RRP12: variants seen among roughly 807,000 people sequenced by gnomAD.
RRP12 encodes the protein RRP12-like protein.
A neutral mutation model predicts 157.3 loss-of-function variants in RRP12; 78 were observed. That is an observed-to-expected ratio of 0.50 (90% CI 0.41 to 0.60). The LOEUF (loss-of-function observed/expected upper bound fraction) is 0.60, where lower values mean the gene tolerates loss of function less well. Ranked by LOEUF, RRP12 falls within the 20% of genes least tolerant of loss-of-function variation. The probability of loss-of-function intolerance (pLI) is 0.00; values close to 1 mark genes in which losing one functional copy is unlikely to be tolerated. For missense variants in RRP12, 1,521 were observed against 1,679.9 expected (o/e 0.91, Z 1.65); for synonymous variants, 726 against 670.9 (o/e 1.08, Z -1.27).
At chr10:97,400,220 C>A (rs1218138103) in intron 2 of RRP12, 85 bp downstream of exon 2, 5 of 975,434 alleles carry the variant, frequency 5.1e-6, no homozygotes, top group Non-Finnish European at 8.1e-6. Flanking sequence ...CTGTTGTCAT[C>A]GGAGACCTGT....
At chr10:97,370,107 C>A in intron 24 of RRP12, 60 bp downstream of exon 24, 1 of 1,199,488 alleles carries the variant, frequency 8.3e-7, no homozygotes, top group Non-Finnish European at 1.2e-6. Context: ...TTTATCCTGA[C>A]CTTTTGGGCA....
chr10:97,367,922 G>A (rs2133041865), intron 25 of RRP12, among the ~76,000 whole-genome samples: 1 of 152,274 alleles, frequency 6.6e-6, no homozygotes, highest in Middle Eastern at 3.4e-3. Context: ...AGTACAGACA[G>A]GGTTTTACCA....
In RRP12 at chr10:97,366,540, C is replaced by T; in HGVS notation, c.3297G>A (p.Lys1099=). ...EERSRGKEQR[K]LARQRSRAWL... is the part of the protein sequence containing the mutation. Reference sequence around the variant, plus strand: ...ATGCCCGGCTCCTCTGTCGTGCCAGCTTCCGCTGCTCCTTGCCTCGGCTTC... The same window carrying T: ...ATGCCCGGCTCCTCTGTCGTGCCAGTTTCCGCTGCTCCTTGCCTCGGCTTC... Residue 1099 remains lysine (K), a synonymous_variant, in exon 28 of 34, where the codon AAG becomes AAA. Transcript: ENST00000370992. 5 of 1,614,158 alleles carry T rather than the reference C, an allele frequency of 3.1e-6. No individual in the cohort carries two copies. Among genetic ancestry groups the T allele is most frequent in the Non-Finnish European group, 4.2e-6 (5 of 1,180,050 alleles).
Position 97,366,857 on chromosome 10 carries a change from T to G in RRP12, c.3100A>C (p.Asn1034His). The change falls in exon 27 of 34, where the codon AAC (asparagine) becomes CAC (histidine). Residue 1034 changes from asparagine (N) to histidine (H), a missense_variant. Physicochemically the swap from Asn to His is moderately conservative, Grantham distance 68. Transcript: ENST00000370992. ...LPEEYHRVLV[N>H]IRKAEARAKR... is the part of the protein sequence containing the mutation. ...GCCCGGGCCTCAGCTTTCCGGATGT[T>G]GACCAGGACTCTGTGGTACTCCTCG... The G allele has an allele frequency of 6.2e-7, 1 of 1,614,202 alleles. No individual in the cohort carries two copies. The highest frequency in any genetic ancestry group is 8.5e-7 in the Non-Finnish European group (1 of 1,180,034).
chr10:97,370,323 G>A (rs2133046334), intron 23 of RRP12, 49 bp from the exon 24 acceptor site: 2 of 1,435,430 alleles, frequency 1.4e-6, no homozygotes, highest in Non-Finnish European at 9.6e-7. Flanking sequence ...CCACCAGGTA[G>A]GGGGGCTGAG....
chr10:97,373,234 C>T (rs774868588), intron 17 of RRP12, 34 bp from the exon 18 acceptor site: 15 of 1,606,520 alleles, frequency 9.3e-6, no homozygotes, highest in Admixed American at 5.0e-5. Context: ...ACTAAAGGCA[C>T]AGGAGCTGAC....
chr10:97,400,504 T>C lies in RRP12; in HGVS notation c.170A>G (p.Lys57Arg). Residue 57 changes from lysine (K) to arginine (R), a missense_variant, in exon 2 of 34, where the codon AAG becomes AGG. Coordinates refer to ENST00000370992, the MANE Select transcript of RRP12 (RefSeq NM_015179.4). ...GRSDLTVDAVKLHNELQSGSL... is the reference protein window; with the variant it reads ...GRSDLTVDAVRLHNELQSGSL... ...CCCTGACTGCAGCTCATTATGTAAC[T>C]TCACAGCATCGACTGTCAGGTCACT... The C allele has an allele frequency of 1.9e-6, 3 of 1,613,900 alleles. No individual in the cohort carries two copies. The highest frequency in any genetic ancestry group is 2.5e-6 in the Non-Finnish European group (3 of 1,179,960).
At position 97,401,073 on chromosome 10, in the gene RRP12, T is replaced by C; in HGVS notation, c.139+20A>G. On this transcript the variant is annotated intron_variant, in intron 1 of 33. Transcript: ENST00000370992. ...CCTGGAACCCCGCCCCCGGCTGCGC[T>C]CGGGTCTCAACCCAGCTACCTGACG... 6.2e-7 allele frequency: 1 copy of C among 1,611,248 alleles called. No homozygotes were observed.
At chr10:97,359,115 G>C (rs1178431964) in intron 31 of RRP12, 105 bp from the exon 32 acceptor site, 1 of 775,266 alleles carries the variant, frequency 1.3e-6, no homozygotes, top group African/African-American at 1.8e-5. Context: ...GCAGATGAGT[G>C]AAGGCCAGGA....
At chr10:97,370,890 C>T (rs1844129509) in intron 21 of RRP12, 33 bp downstream of exon 21, 3 of 1,612,698 alleles carry the variant, frequency 1.9e-6, no homozygotes, top group African/African-American at 2.7e-5. Context: ...GCCCAGGCTC[C>T]CTCGGCAGAG....
chr10:97,387,422 C>T (rs1844666307), intron 8 of RRP12, among the ~76,000 whole-genome samples: 1 of 151,034 alleles, frequency 6.6e-6, no homozygotes, highest in Non-Finnish European at 1.5e-5. Flanking sequence ...CAGCCTCAAC[C>T]TCCTGGGCTC....
At chr10:97,368,866 C>T (rs1393476384) in intron 25 of RRP12, among the ~76,000 whole-genome samples, 1 of 152,206 alleles carries the variant, frequency 6.6e-6, no homozygotes. Flanking sequence ...GCCAGTCACA[C>T]ATGGGAAACT....
rs1430086246 is a variant in RRP12, at chr10:97,375,165, C to T, written c.1799-1271G>A. ...TAGAGACGGAGGTCTCACTCTGTTGCCCAGGCTGGCCTTGAACTTCTGGGC... is the reference window on the plus strand; with the variant it reads ...TAGAGACGGAGGTCTCACTCTGTTGTCCAGGCTGGCCTTGAACTTCTGGGC... On this transcript the variant is annotated intron_variant, in intron 15 of 33. Transcript: ENST00000370992. Among the ~76,000 whole-genome samples, 4 of 151,948 alleles carry T rather than the reference C, an allele frequency of 2.6e-5. No individual in the cohort carries two copies. In the East Asian group the frequency reaches 7.7e-4, roughly 29 times the overall value.
At chr10:97,384,082 C>T (rs2133074061) in intron 10 of RRP12, among the ~76,000 whole-genome samples, 1 of 152,336 alleles carries the variant, frequency 6.6e-6, no homozygotes, top group African/African-American at 2.4e-5. Context: ...CCACCTCCGG[C>T]AGCCAGGACG....
chr10:97,370,699 C>T lies in RRP12; in HGVS notation c.2583+17G>A. On this transcript the variant is annotated intron_variant, in intron 22 of 33. Coordinates refer to ENST00000370992, the MANE Select transcript of RRP12 (RefSeq NM_015179.4). Reference sequence around the variant, plus strand: ...ACATTCCAGGGACCCCCCTCTAAAACACACCCGCACACTCACCTCTGGGAT... The same window carrying T: ...ACATTCCAGGGACCCCCCTCTAAAATACACCCGCACACTCACCTCTGGGAT... 1.2e-6 allele frequency: 2 copies of T among 1,613,792 alleles called. No homozygotes were observed. Among genetic ancestry groups the T allele is most frequent in the South Asian group, 2.2e-5 (2 of 91,072 alleles).
rs1410577192 is a variant in RRP12, at chr10:97,388,375, G to A, written c.894C>T (p.Ser298=). 1 of 1,613,854 alleles carries A rather than the reference G, an allele frequency of 6.2e-7. No homozygotes were observed. Among genetic ancestry groups the A allele is most frequent in the Non-Finnish European group, 8.5e-7 (1 of 1,179,984 alleles). The stretch of plus-strand genomic sequence containing the variant: ...TGTGCAGCGTGGTGGTGGCCTCCTT[G>A]GAGCCTGGTATACAGAAGAGGAATT... ...CIQEIEKSGG[S]KEATTTLHML... The change falls in exon 8 of 34, where the codon TCC becomes TCT. Residue 298 remains serine, a synonymous_variant. Coordinates refer to ENST00000370992, the MANE Select transcript of RRP12 (RefSeq NM_015179.4).
intron 6 of RRP12, among the ~76,000 whole-genome samples, chr10:97,389,167 C>T (rs1844725930): frequency 1.3e-5 from 2 of 152,088 alleles, no homozygotes; most frequent in Admixed American, 1.3e-4. Context: ...GATCTCGGCT[C>T]ACTGCAAGCT....
chr10:97,380,271 G>A (rs1347038962), intron 13 of RRP12, among the ~76,000 whole-genome samples: 1 of 152,168 alleles, frequency 6.6e-6, no homozygotes, highest in Non-Finnish European at 1.5e-5. Context: ...ATGGGAGGGA[G>A]TCAGTGAGGA....
chr10:97,368,985 T>C (rs1844063501), intron 25 of RRP12, among the ~76,000 whole-genome samples: 1 of 151,690 alleles, frequency 6.6e-6, no homozygotes, highest in East Asian at 1.9e-4. Flanking sequence ...GCTCTTCAGA[T>C]CCTTCTGCAG....
Sources: allele counts gnomAD v4.1 joint callset (sites outside exome capture counted in the v4.1 genomes callset), GRCh38; gene constraint gnomAD v4.1.1; transcripts MANE v1.5; gene names NCBI Gene and HGNC (gene_info 2026-07-23, HGNC 2026-07-21).